Variants in SUMF1 observed in about 807,000 individuals in gnomAD.
SUMF1 encodes the protein formylglycine-generating enzyme.
A neutral mutation model predicts 47.6 loss-of-function variants in SUMF1; 48 were observed. That is an observed-to-expected ratio of 1.01 (90% CI 0.80 to 1.28). The LOEUF (loss-of-function observed/expected upper bound fraction) is 1.28. SUMF1 is among the 50% of genes most tolerant of loss of function. The pLI is 0.00. For missense variants in SUMF1, 571 were observed against 485.4 expected (o/e 1.18, Z -1.66); for synonymous variants, 230 against 192.1 (o/e 1.20, Z -1.63).
At chr3:4,192,217 G>A (rs1188385168) in intron 8 of SUMF1, among the ~76,000 whole-genome samples, 1 of 152,078 alleles carries the variant, frequency 6.6e-6, no homozygotes, top group African/African-American at 2.4e-5. Context: ...CAGTGTTATA[G>A]GAGGAGCTTG....
At chr3:4,282,809 G>T (rs1697556325) in intron 8 of SUMF1, among the ~76,000 whole-genome samples, 1 of 152,106 alleles carries the variant, frequency 6.6e-6, no homozygotes, top group Admixed American at 6.6e-5. Context: ...TGCCTTTGGA[G>T]ACTTAATATC....
chr3:4,459,667 C>G (rs1348985300), intron 1 of SUMF1, among the ~76,000 whole-genome samples: 1 of 152,136 alleles, frequency 6.6e-6, no homozygotes, highest in Admixed American at 6.5e-5. Flanking sequence ...CTACTCACAT[C>G]CCCTACTCCC....
intron 8 of SUMF1, among the ~76,000 whole-genome samples, chr3:4,308,743 C>T (rs1317065485): frequency 6.6e-6 from 1 of 152,358 alleles, no homozygotes; most frequent in Admixed American, 6.5e-5. Context: ...ACAGAGTTTT[C>T]CTGCCTGGTC....
chr3:4,383,266 C>A (rs1385493076), intron 7 of SUMF1, among the ~76,000 whole-genome samples: 1 of 152,046 alleles, frequency 6.6e-6, no homozygotes, highest in African/African-American at 2.4e-5. Flanking sequence ...ATAATTCCAG[C>A]TTTTAGGGAT....
At chr3:4,071,303 G>A (rs1695518435) in intron 8 of SUMF1, among the ~76,000 whole-genome samples, 1 of 152,148 alleles carries the variant, frequency 6.6e-6, no homozygotes, top group South Asian at 2.1e-4. Context: ...TGGATGGACA[G>A]TGGGTGCAGC....
chr3:4,158,172 G>A (rs1482492261), intron 8 of SUMF1, among the ~76,000 whole-genome samples: 1 of 151,590 alleles, frequency 6.6e-6, no homozygotes, highest in Non-Finnish European at 1.5e-5. Context: ...TTATGGTCTA[G>A]ATGATTAAAA....
intron 8 of SUMF1, among the ~76,000 whole-genome samples, chr3:4,150,424 T>C (rs555571720): frequency 5.9e-5 from 9 of 151,292 alleles, no homozygotes; most frequent in Non-Finnish European, 1.3e-4. Context: ...TAGCCAGGTG[T>C]AGAGGCAGGT....
At chr3:4,275,961 T>C (rs764614513) in intron 8 of SUMF1, among the ~76,000 whole-genome samples, 4 of 152,184 alleles carry the variant, frequency 2.6e-5, no homozygotes, top group Non-Finnish European at 5.9e-5. Flanking sequence ...TTTTAACTCC[T>C]AGAAGGCTAA....
At chr3:4,465,402 C>G (rs752821186) in intron 1 of SUMF1, among the ~76,000 whole-genome samples, 15 of 151,922 alleles carry the variant, frequency 9.9e-5, no homozygotes, top group Non-Finnish European at 1.9e-4. Flanking sequence ...TCATTCGAAC[C>G]CAGGAGGTGG....
At chr3:4,214,925 G>A (rs1163018565) in intron 8 of SUMF1, among the ~76,000 whole-genome samples, 1 of 151,992 alleles carries the variant, frequency 6.6e-6, no homozygotes, top group Non-Finnish European at 1.5e-5. Flanking sequence ...ACCAAAAAAA[G>A]TTCCGGGACC....
At chr3:4,326,521 G>GATTTTTTTT (rs1553556914) in intron 8 of SUMF1, among the ~76,000 whole-genome samples, 144 of 90,540 alleles carry the variant, frequency 1.6e-3, no homozygotes, top group South Asian at 2.6e-3. Context: ...TTTTTCCAAG[G>GATTTTTTTT]GTTTTTTTTT....
intron 3 of SUMF1, among the ~76,000 whole-genome samples, chr3:4,421,654 G>C (rs902397059): frequency 2.0e-5 from 3 of 151,992 alleles, no homozygotes; most frequent in African/African-American, 7.3e-5. Context: ...TAAATTTTTT[G>C]TATTTTTTTG....
chr3:4,089,743 C>T (rs968645611), intron 8 of SUMF1, among the ~76,000 whole-genome samples: 17 of 152,290 alleles, frequency 1.1e-4, no homozygotes, highest in South Asian at 4.1e-4. Flanking sequence ...CAAAGTCTTT[C>T]TGACTTCCCC....
At chr3:4,074,056 A>G (rs926376204) in intron 8 of SUMF1, among the ~76,000 whole-genome samples, 2 of 152,088 alleles carry the variant, frequency 1.3e-5, no homozygotes, top group African/African-American at 2.4e-5. Context: ...GCACCACATC[A>G]CACTTATTCT....
chr3:4,297,267 G>A (rs1019404676), intron 8 of SUMF1, among the ~76,000 whole-genome samples: 1 of 152,132 alleles, frequency 6.6e-6, no homozygotes, highest in African/African-American at 2.4e-5. Flanking sequence ...CAAGGGAAAT[G>A]GTCACCAAAT....
rs185946948 is a variant in SUMF1, at chr3:4,415,015, G to A, written c.840+2113C>T. ...TCCCAGCATTTTGGGAGGTCAAGGCGGGAGGATCACCTACCAGCCTGGCCA... is the reference window on the plus strand; with the variant it reads ...TCCCAGCATTTTGGGAGGTCAAGGCAGGAGGATCACCTACCAGCCTGGCCA... On this transcript the variant is annotated intron_variant, in intron 6 of 8. Coordinates refer to ENST00000272902, the MANE Select transcript of SUMF1 (RefSeq NM_182760.4). 1.7e-3 allele frequency: 254 copies of A among 152,302 alleles called. 1 individual carries two copies. The highest frequency in any genetic ancestry group is 3.0e-3 in the Non-Finnish European group (205 of 68,078). The allele number at this position is 152,302 out of a possible 1,614,324, so 9.4% of individuals were successfully genotyped here. A position where few individuals can be genotyped will look rare whatever the true frequency, so the allele number is the denominator to read the frequency against.
In SUMF1 at chr3:4,177,311, TAAAAG is replaced by T. The variant is rs773546196; in HGVS notation, c.1015-108571_1015-108567del. On this transcript the variant is annotated intron_variant and NMD_transcript_variant, in intron 8 of 12. Transcript: ENST00000448413. ...GAAGTAAAGCACTCCTCAGCAAATG[TAAAAG>T]AAAAGAAATCACAAAAAACTGTCTC... Among the ~76,000 whole-genome samples the T allele has an allele frequency of 8.5e-5, 13 of 152,136 alleles. No individual in the cohort carries two copies. The South Asian group carries it at 2.7e-3, about 32-fold the overall frequency.
intron 8 of SUMF1, among the ~76,000 whole-genome samples, chr3:4,250,963 C>T (rs776396347): frequency 5.3e-5 from 8 of 152,120 alleles, no homozygotes; most frequent in Non-Finnish European, 1.2e-4. Flanking sequence ...TTCTGCATTC[C>T]ATAGATCAAG....
chr3:4,052,893 T>C (rs1014961245), intron 9 of SUMF1, among the ~76,000 whole-genome samples: 8 of 152,164 alleles, frequency 5.3e-5, no homozygotes, highest in Admixed American at 1.3e-4. Context: ...ACATTCCCCA[T>C]ATCAGCAGTA....
Sources: allele counts gnomAD v4.1 joint callset (sites outside exome capture counted in the v4.1 genomes callset), GRCh38; gene constraint gnomAD v4.1.1; transcripts MANE v1.5; gene names NCBI Gene and HGNC (gene_info 2026-07-23, HGNC 2026-07-21).